The following SUPT16H variants were observed in gnomAD, a reference collection of about 807,000 sequenced individuals.
The protein encoded by SUPT16H is FACT complex subunit SPT16.
Under a neutral mutation model 136.2 loss-of-function variants are expected in SUPT16H, and 24 were observed. That is an observed-to-expected ratio of 0.18 (90% CI 0.13 to 0.25). SUPT16H has a LOEUF of 0.25. Among genes scored for constraint, SUPT16H ranks in the 10% least tolerant of loss-of-function variants. The probability of loss-of-function intolerance (pLI) is 1.00; values close to 1 mark genes in which losing one functional copy is unlikely to be tolerated. For synonymous variants in SUPT16H, 415 were observed against 428.2 expected (o/e 0.97, Z 0.38); for missense variants, 623 against 1,270.2 (o/e 0.49, Z 7.74).
At chr14:21,372,144 T>C in intron 2 of SUPT16H, 100 bp from the exon 3 acceptor site, 1 of 1,317,006 alleles carries the variant, frequency 7.6e-7, no homozygotes, top group Non-Finnish European at 1.0e-6. Context: ...ATAACATGTC[T>C]GAAATTAACT....
At chr14:21,358,671 A>G (rs1886485480) in intron 19 of SUPT16H, among the ~76,000 whole-genome samples, 1 of 152,216 alleles carries the variant, frequency 6.6e-6, no homozygotes, top group South Asian at 2.1e-4. Flanking sequence ...TAACATGTAC[A>G]TACACCTTTA....
chr14:21,354,386 G>A (rs1481682038), intron 23 of SUPT16H, 25 bp downstream of exon 23: 4 of 1,612,050 alleles, frequency 2.5e-6, no homozygotes, highest in African/African-American at 2.7e-5. Flanking sequence ...CTGTGTACCA[G>A]AAAAGAAACC....
intron 6 of SUPT16H, 73 bp downstream of exon 6, chr14:21,369,131 T>C (rs1886734877): frequency 6.5e-7 from 1 of 1,530,276 alleles, no homozygotes; most frequent in African/African-American, 1.4e-5. Flanking sequence ...CCCCACAAAT[T>C]TGTACAGATT....
chr14:21,379,618 C>T (rs548241566), intron 1 of SUPT16H, among the ~76,000 whole-genome samples: 9 of 151,398 alleles, frequency 5.9e-5, no homozygotes, highest in Non-Finnish European at 1.3e-4. Context: ...TTTGGGATGC[C>T]GAGGTGGGCG....
intron 7 of SUPT16H, among the ~76,000 whole-genome samples, chr14:21,367,872 G>A (rs1204433659): frequency 6.6e-6 from 1 of 152,190 alleles, no homozygotes; most frequent in Non-Finnish European, 1.5e-5. Flanking sequence ...GAGAGCCTCA[G>A]AGACATAAAC....
At chr14:21,365,661 T>C (rs976625795) in intron 8 of SUPT16H, among the ~76,000 whole-genome samples, 4 of 152,234 alleles carry the variant, frequency 2.6e-5, no homozygotes, top group Non-Finnish European at 5.9e-5. Flanking sequence ...ATGTCCTTTG[T>C]TCCATTACAC....
At chr14:21,368,520 T>C in intron 6 of SUPT16H, 79 bp from the exon 7 acceptor site, 1 of 1,410,522 alleles carries the variant, frequency 7.1e-7, no homozygotes, top group East Asian at 2.5e-5. Context: ...ACGGTATCAA[T>C]AATCATTACT....
rs774125673 is a variant in SUPT16H, at chr14:21,360,532, G to C, written c.2058C>G (p.Gly686=). 1.2e-6 allele frequency: 2 copies of C among 1,607,760 alleles called. No individual in the cohort carries two copies. Among genetic ancestry groups the C allele is most frequent in the East Asian group, 2.2e-5 (1 of 44,868 alleles). The change falls in exon 18 of 26, where the codon GGC becomes GGG. Residue 686 remains glycine, a splice_region_variant and synonymous_variant. Transcript: ENST00000216297. ...CTCCTCGAACAGATGTGAAGCGGAA[G>C]CCTGGGGAAAAGAATGAAGAAATGT... ...MQGSLEAHVN[G]FRFTSVRGDK...
chr14:21,372,200 A>C (rs558989910), intron 2 of SUPT16H, 156 bp from the exon 3 acceptor site: 1 of 737,938 alleles, frequency 1.4e-6, no homozygotes, highest in East Asian at 2.8e-5. Context: ...CAAATTAAGC[A>C]AGATCGGCCA....
At chr14:21,359,147 G>C (rs1350870173) in intron 19 of SUPT16H, among the ~76,000 whole-genome samples, 1 of 151,690 alleles carries the variant, frequency 6.6e-6, no homozygotes, top group Non-Finnish European at 1.5e-5. Flanking sequence ...GCCCAGGCTG[G>C]AGTGCAGTGG....
chr14:21,353,544 C>T lies in SUPT16H; in HGVS notation c.2942G>A (p.Gly981Asp). Residue 981 changes from glycine to aspartate, a missense_variant, in exon 25 of 26, where the codon GGT (glycine) becomes GAT (aspartate). Coordinates refer to ENST00000216297, the MANE Select transcript of SUPT16H (RefSeq NM_007192.4). Reference sequence around the variant, plus strand: ...ATCCTTTCCACTCTCTTCTTCACTACCCAATGACTCCTTAGAATAGTCTGG... The same window carrying T: ...ATCCTTTCCACTCTCTTCTTCACTATCCAATGACTCCTTAGAATAGTCTGG... ...EESDYSKESLGSEEESGKDWD... is the reference protein window; with the variant it reads ...EESDYSKESLDSEEESGKDWD... The T allele has an allele frequency of 6.2e-7, 1 of 1,614,146 alleles. No individual in the cohort carries two copies. Among genetic ancestry groups the T allele is most frequent in the Non-Finnish European group, 8.5e-7 (1 of 1,180,006 alleles).
intron 1 of SUPT16H, among the ~76,000 whole-genome samples, chr14:21,380,295 A>ATTTTTTTTTTT (rs1886994310): frequency 6.5e-5 from 1 of 15,396 alleles, no homozygotes; most frequent in Non-Finnish European, 2.7e-4. Context: ...TGGAAGACTG[A>ATTTTTTTTTTT]ATTTTTTTTT....
At position 21,381,562 on chromosome 14, in the gene SUPT16H, G is replaced by GT. The variant is rs567730182; in HGVS notation, c.66+2299dup. On this transcript the variant is annotated intron_variant, in intron 1 of 25. Transcript: ENST00000216297. ...TTTTTAGTTAATTTTAGTCATAACA[G>GT]TTTTTTTTTTTAAGATGGAAGCTGA... is the stretch of plus-strand genomic sequence containing the variant. 4.7e-3 allele frequency among the ~76,000 whole-genome samples: 686 copies of GT among 144,810 alleles called. 5 individuals are homozygous for GT. The highest frequency in any genetic ancestry group is 0.011 in the African/African-American group (424 of 39,762).
At chr14:21,353,395 A>T in intron 25 of SUPT16H, 93 bp downstream of exon 25, 1 of 1,266,144 alleles carries the variant, frequency 7.9e-7, no homozygotes, top group Non-Finnish European at 1.1e-6. Flanking sequence ...TGTTACTTTC[A>T]TTACGCCATC....
chr14:21,360,529 G>A lies in SUPT16H; in HGVS notation c.2061C>T (p.Phe687=). The change falls in exon 18 of 26, where the codon TTC becomes TTT. Residue 687 remains phenylalanine (F), a synonymous_variant. Transcript: ENST00000216297. ...QGSLEAHVNG[F]RFTSVRGDKV... Reference sequence around the variant, plus strand: ...TGTCTCCTCGAACAGATGTGAAGCGGAAGCCTGGGGAAAAGAATGAAGAAA... The same window carrying A: ...TGTCTCCTCGAACAGATGTGAAGCGAAAGCCTGGGGAAAAGAATGAAGAAA... 1.2e-6 allele frequency: 2 copies of A among 1,608,568 alleles called. No individual in the cohort carries two copies. The highest frequency in any genetic ancestry group is 1.7e-6 in the Non-Finnish European group (2 of 1,176,926).
chr14:21,362,142 G>A (rs1272371867), intron 15 of SUPT16H, 55 bp downstream of exon 15: 1 of 1,560,188 alleles, frequency 6.4e-7, no homozygotes, highest in Non-Finnish European at 8.7e-7. Context: ...AAATGTTTCT[G>A]AGAGTACCAC....
intron 1 of SUPT16H, among the ~76,000 whole-genome samples, chr14:21,374,128 C>T (rs1301041019): frequency 6.6e-6 from 1 of 152,238 alleles, no homozygotes; most frequent in African/African-American, 2.4e-5. Flanking sequence ...CAGAAATCTA[C>T]ATATGCCTTC....
chr14:21,365,776 C>A (rs940658620), intron 8 of SUPT16H, among the ~76,000 whole-genome samples: 1 of 151,586 alleles, frequency 6.6e-6, no homozygotes, highest in African/African-American at 2.4e-5. Context: ...AAACCAAAAC[C>A]AAAACCAAAA....
At chr14:21,382,381 G>A (rs1270153114) in intron 1 of SUPT16H, among the ~76,000 whole-genome samples, 1 of 152,166 alleles carries the variant, frequency 6.6e-6, no homozygotes, top group Non-Finnish European at 1.5e-5. Context: ...TAACTTTCAT[G>A]GATTTAAAGA....
Sources: gnomAD v4.1 joint callset for allele counts (sites outside exome capture counted in the v4.1 genomes callset) on GRCh38, gnomAD v4.1.1 for gene constraint, MANE v1.5 for transcripts, NCBI Gene and HGNC (gene_info 2026-07-23, HGNC 2026-07-21) for gene names.